The following SAMM50 variants were observed in gnomAD, a reference collection of about 807,000 sequenced individuals.
SAMM50 encodes sorting and assembly machinery component 50 homolog.
A neutral mutation model predicts 66.9 loss-of-function variants in SAMM50; 47 were observed. That is an observed-to-expected ratio of 0.70 (90% CI 0.56 to 0.90). The LOEUF (loss-of-function observed/expected upper bound fraction) is 0.90. SAMM50 is among the 40% of genes least tolerant of loss of function. The pLI, the probability that SAMM50 is intolerant of heterozygous loss-of-function variation, is 0.00. For synonymous variants in SAMM50, 191 were observed against 214.1 expected, an observed-to-expected ratio of 0.89 and a Z score of 0.94; for missense variants, 535 against 595.3, an observed-to-expected ratio of 0.90 and a Z score of 1.05.
chr22:43,963,166 T>A lies in SAMM50; in HGVS notation c.22-120T>A. 6.5e-6 allele frequency: 4 copies of A among 618,898 alleles called. No individual in the cohort carries two copies. The South Asian group carries it at 9.5e-5, about 15-fold the overall frequency. The allele number at this position is 618,898 out of a possible 1,614,324, so 38.3% of individuals were successfully genotyped here. ...CCTGGTCCCTATTCCTGCCCCTACC[T>A]CTACTTGAAGGGAACAACTACTGAA... On this transcript the variant is annotated intron_variant, in intron 1 of 14. Coordinates refer to ENST00000350028, the MANE Select transcript of SAMM50 (RefSeq NM_015380.5).
At position 43,984,084 on chromosome 22, in the gene SAMM50, G is replaced by C. The variant is rs977176200; in HGVS notation, c.1075+84G>C. On this transcript the variant is annotated intron_variant, in intron 12 of 14. Transcript: ENST00000350028. ...CATGTACCTGTTATTAGCTTACAGC[G>C]ATAATAGACATTCCTCTTTCACGGT... 7.0e-6 allele frequency: 8 copies of C among 1,144,260 alleles called. No homozygotes were observed. The Admixed American group carries it at 1.6e-4, about 23-fold the overall frequency. 70.9% of individuals were successfully genotyped at this position (1,144,260 alleles called of 1,614,324 possible).
At chr22:43,966,939 T>C (rs2050176618) in intron 3 of SAMM50, among the ~76,000 whole-genome samples, 1 of 152,202 alleles carries the variant, frequency 6.6e-6, no homozygotes, top group African/African-American at 2.4e-5. Flanking sequence ...AATGATCGCT[T>C]TGTAGCCTCA....
chr22:43,955,661 CG>C (rs1165920834), intron 1 of SAMM50, 63 bp downstream of exon 1: 2 of 1,505,714 alleles, frequency 1.3e-6, no homozygotes, highest in Non-Finnish European at 1.8e-6. Context: ...ACGGGCGCCG[CG>C]GGGAGACGCT....
intron 14 of SAMM50, among the ~76,000 whole-genome samples, chr22:43,992,209 G>C (rs2050328491): frequency 6.6e-6 from 1 of 152,234 alleles, no homozygotes; most frequent in South Asian, 2.1e-4. Flanking sequence ...CAGCATGTAG[G>C]GGATGGTGCT....
intron 1 of SAMM50, chr22:43,957,022 G>C (rs1603418342): frequency 1.2e-6 from 1 of 817,636 alleles, no homozygotes; most frequent in East Asian, 2.5e-5. Flanking sequence ...CTTCTGAAAG[G>C]AAATATGTCT....
rs1284103045 is a variant in SAMM50 at position 43,973,306 on chromosome 22, A to G, written c.631A>G (p.Met211Val). 2 of 1,594,596 alleles carry G rather than the reference A, an allele frequency of 1.3e-6. No homozygotes were observed. The highest frequency in any genetic ancestry group is 4.5e-5 in the East Asian group (2 of 44,806). ...WSSLRETDRGMSAEYSFPIWK... is the reference protein window; with the variant it reads ...WSSLRETDRGVSAEYSFPIWK... Reference sequence around the variant, plus strand: ...CTCACTGCGGGAGACGGACAGAGGAATGTCAGCTGAGTACAGTGTGAGTAG... The same window carrying G: ...CTCACTGCGGGAGACGGACAGAGGAGTGTCAGCTGAGTACAGTGTGAGTAG... The change falls in exon 7 of 15, where the codon ATG (methionine) becomes GTG (valine). Residue 211 changes from methionine (M) to valine (V), a missense_variant. By Grantham distance (21) the Met-to-Val change is conservative (BLOSUM62 1). Coordinates refer to ENST00000350028, the MANE Select transcript of SAMM50 (RefSeq NM_015380.5).
chr22:43,976,010 C>G, intron 7 of SAMM50, 45 bp from the exon 8 acceptor site: 1 of 1,561,438 alleles, frequency 6.4e-7, no homozygotes, highest in Non-Finnish European at 8.7e-7. Flanking sequence ...CAACAAGTTC[C>G]TAAGTATGTG....
At chr22:43,981,322 C>A in intron 10 of SAMM50, 69 bp from the exon 11 acceptor site, 1 of 1,232,056 alleles carries the variant, frequency 8.1e-7, no homozygotes, top group Non-Finnish European at 1.2e-6. Flanking sequence ...TGGCCAGTTG[C>A]TAGTTGCTGA....
rs2146809087 is a variant in SAMM50, at chr22:43,965,914, C to T, written c.234+1361C>T. Among the ~76,000 whole-genome samples the T allele has an allele frequency of 1.3e-5, 2 of 152,296 alleles. 1 individual carries two copies. On this transcript the variant is annotated intron_variant, in intron 3 of 14. Coordinates refer to ENST00000350028, the MANE Select transcript of SAMM50 (RefSeq NM_015380.5). Reference sequence around the variant, plus strand: ...AGTCCAGTGGCGTGAACACAGCTCACTGCAGCCTAAACCTCTTGGGTTCAA... The same window carrying T: ...AGTCCAGTGGCGTGAACACAGCTCATTGCAGCCTAAACCTCTTGGGTTCAA...
At chr22:43,991,152 A>T (rs1008679922) in intron 14 of SAMM50, among the ~76,000 whole-genome samples, 6 of 151,354 alleles carry the variant, frequency 4.0e-5, no homozygotes, top group Admixed American at 2.6e-4. Context: ...AATTTTTTGT[A>T]TATTTAGTAG....
At chr22:43,979,810 T>G (rs1357569297) in intron 10 of SAMM50, among the ~76,000 whole-genome samples, 1 of 152,066 alleles carries the variant, frequency 6.6e-6, no homozygotes, top group Non-Finnish European at 1.5e-5. Context: ...GTGGAAATAC[T>G]TTTTGTTTCC....
intron 1 of SAMM50, among the ~76,000 whole-genome samples, chr22:43,960,377 G>A (rs1036438811): frequency 8.5e-5 from 13 of 152,092 alleles, no homozygotes; most frequent in African/African-American, 1.2e-4. Context: ...CGGAAAAGTC[G>A]TTCATTCCCC....
At chr22:43,979,364 C>G (rs6519823) in intron 10 of SAMM50, among the ~76,000 whole-genome samples, 1 of 151,762 alleles carries the variant, frequency 6.6e-6, no homozygotes, top group African/African-American at 2.4e-5. Context: ...CATTGCCTTC[C>G]CCACAAATCT....
In SAMM50 at chr22:43,972,864, C is replaced by T. The variant is rs753121670; in HGVS notation, c.430-7C>T. 9 of 1,581,466 alleles carry T rather than the reference C, an allele frequency of 5.7e-6. No individual in the cohort carries two copies. The Admixed American group carries it at 1.4e-4, about 24-fold the overall frequency. ...ACCACTGCTATTTTTTTTTTTTCCC[C>T]TCCTAGGTACTTGGCCTCAAGCTTC... On this transcript the variant is annotated splice_region_variant and splice_polypyrimidine_tract_variant and intron_variant, in intron 5 of 14. Coordinates refer to ENST00000350028, the MANE Select transcript of SAMM50 (RefSeq NM_015380.5).
chr22:43,995,343 C>CT (rs2050347240), intron 14 of SAMM50: 1 of 152,242 alleles, frequency 6.6e-6, no homozygotes, highest in African/African-American at 2.4e-5. Context: ...AAATCCTCAG[C>CT]TTGGGCAAGG....
chr22:43,973,158 G>T (rs2050212655), intron 6 of SAMM50, 78 bp from the exon 7 acceptor site: 4 of 1,319,054 alleles, frequency 3.0e-6, no homozygotes, highest in African/African-American at 1.5e-5. Context: ...CGGGCGTAGT[G>T]TTAAGTCTGT....
chr22:43,972,110 A>G (rs1277156052), intron 4 of SAMM50, 126 bp from the exon 5 acceptor site: 10 of 565,046 alleles, frequency 1.8e-5, no homozygotes, highest in Non-Finnish European at 2.5e-5. Context: ...TCATGATTAT[A>G]TTATTTTCTA....
chr22:43,957,062 TG>T, intron 1 of SAMM50: 1 of 1,018,402 alleles, frequency 9.8e-7, no homozygotes, highest in Non-Finnish European at 1.6e-6. Flanking sequence ...CCATTTTTGC[TG>T]GCTATAAGTG....
At chr22:43,989,382 G>T in intron 13 of SAMM50, 125 bp downstream of exon 13, 1 of 1,006,512 alleles carries the variant, frequency 9.9e-7, no homozygotes, top group South Asian at 1.7e-5. Flanking sequence ...CTATTGCCAG[G>T]CTGGAGTGCA....
Sources: gnomAD v4.1 joint callset for allele counts (sites outside exome capture counted in the v4.1 genomes callset) on GRCh38, gnomAD v4.1.1 for gene constraint, MANE v1.5 for transcripts, NCBI Gene and HGNC (gene_info 2026-07-23, HGNC 2026-07-21) for gene names.